KDM2B: variants seen among roughly 807,000 people sequenced by gnomAD.
The protein encoded by KDM2B is lysine demethylase 2B, also known as lysine-specific demethylase 2B.
KDM2B carries 26 observed loss-of-function variants against 150.0 expected under a neutral mutation model. That is an observed-to-expected ratio of 0.17 (90% CI 0.13 to 0.24). The LOEUF (loss-of-function observed/expected upper bound fraction) is 0.24, where lower values mean the gene tolerates loss of function less well. Ranked by LOEUF, KDM2B falls within the 10% of genes least tolerant of loss-of-function variation. The pLI is 1.00. For synonymous variants in KDM2B, 734 were observed against 729.5 expected (o/e 1.01, Z -0.10); for missense variants, 1,265 against 1,816.9 (o/e 0.70, Z 5.52).
chr12:121,442,817 G>T lies in KDM2B; in HGVS notation c.2624C>A (p.Ala875Asp). Residue 875 changes from alanine (A) to aspartate (D), a missense_variant, in exon 19 of 23, where the codon GCC becomes GAC. This residue lies in a region of KDM2B where 418 missense variants were observed against 402.4 expected (regional missense o/e 1.04). Coordinates refer to ENST00000377071, the MANE Select transcript of KDM2B (RefSeq NM_032590.5). The surrounding 1 kb of genome is among the most constrained non-coding windows in gnomAD (Gnocchi z 7.7). ...FRKKRRSWKN[A>D]EDRMALANKP... is the part of the protein sequence containing the mutation. ...GTTGGCCAGCGCCATGCGGTCCTCG[G>T]CGTTCTTCCAGGACCGCCGCTGAGG... 6.6e-7 allele frequency: 1 copy of T among 1,523,830 alleles called. No homozygotes were observed. 94.4% of individuals were successfully genotyped at this position (1,523,830 alleles called of 1,614,324 possible).
chr12:121,548,805 T>C, intron 6 of KDM2B, 72 bp downstream of exon 6: 1 of 1,184,286 alleles, frequency 8.4e-7, no homozygotes, highest in African/African-American at 1.5e-5. Context: ...AGGAGCCTCC[T>C]TCCCACCTCC....
intron 12 of KDM2B, among the ~76,000 whole-genome samples, chr12:121,480,854 A>C (rs1882032606): frequency 6.6e-6 from 1 of 152,012 alleles, no homozygotes; most frequent in Non-Finnish European, 1.5e-5. Flanking sequence ...TTGTCTCATA[A>C]ACACTAGCAA....
chr12:121,421,632 G>C, the KDM2B span, among the ~76,000 whole-genome samples: 1 of 152,048 alleles, frequency 6.6e-6, no homozygotes, highest in African/African-American at 2.4e-5. Context: ...TCAAGCCACG[G>C]AACATTTATG....
intron 4 of KDM2B, among the ~76,000 whole-genome samples, chr12:121,564,426 T>C (rs1890556150): frequency 6.6e-6 from 1 of 151,868 alleles, no homozygotes; most frequent in South Asian, 2.1e-4. Context: ...CCACTGCACT[T>C]CAGCCTGGGC....
Position 121,430,260 on chromosome 12 carries a change from G to A in KDM2B, c.*28C>T, listed in dbSNP as rs111862260. On this transcript the variant is annotated 3_prime_UTR_variant, in exon 23 of 23. Transcript: ENST00000377071. This position sits in a 1 kb window ranked among gnomAD's most constrained non-coding sequence, Gnocchi z 4.4. Reference sequence around the variant, plus strand: ...TAAAGTCTCTCCCCTCCCAGAGCCCGCCCCGTATTTACATACTTATCCTTG... The same window carrying A: ...TAAAGTCTCTCCCCTCCCAGAGCCCACCCCGTATTTACATACTTATCCTTG... 5,330 of 1,611,448 alleles carry A rather than the reference G, an allele frequency of 3.3e-3. 12 individuals carry two copies. Among genetic ancestry groups the A allele is most frequent in the Middle Eastern group, 6.9e-3 (42 of 6,058 alleles).
chr12:121,565,598 G>A (rs144596624), intron 4 of KDM2B, among the ~76,000 whole-genome samples: 2,615 of 149,754 alleles, frequency 0.017, 64 homozygotes, highest in Admixed American at 0.054. Flanking sequence ...ATTAAAACGC[G>A]CGGGCCACCG....
chr12:121,479,646 G>T (rs1881854941), intron 12 of KDM2B, among the ~76,000 whole-genome samples: 2 of 151,712 alleles, frequency 1.3e-5, no homozygotes, highest in South Asian at 4.2e-4. Context: ...TTTTGAGACG[G>T]AGTCTTGCTC....
intron 8 of KDM2B, among the ~76,000 whole-genome samples, chr12:121,523,775 T>C (rs1886893226): frequency 6.6e-6 from 1 of 152,360 alleles, no homozygotes; most frequent in South Asian, 2.1e-4. Flanking sequence ...GGCTTTGCTT[T>C]AGGCAACCTC....
In KDM2B at chr12:121,580,318, G is replaced by A. The variant is rs1379413692; in HGVS notation, c.126+468C>T. 22 of 1,012,410 alleles carry A rather than the reference G, an allele frequency of 2.2e-5. No homozygotes were observed. The East Asian group carries it at 1.3e-3, about 58-fold the overall frequency. The allele number at this position is 1,012,410 out of a possible 1,614,324, so 62.7% of individuals were successfully genotyped here. A position where few individuals can be genotyped will look rare whatever the true frequency, so the allele number is the denominator to read the frequency against. ...AACATTGTTGCCGATCGCGCTCGGA[G>A]CCCGCGGCCGGGCTATTTGGGGGGG... On this transcript the variant is annotated intron_variant, in intron 1 of 22. Transcript: ENST00000377071.
rs138375696 is a variant in KDM2B, at chr12:121,521,237, G to A, written c.932-137C>T. The A allele has an allele frequency of 7.4e-3, 4,566 of 619,610 alleles. 36 individuals are homozygous for A. Among genetic ancestry groups the A allele is most frequent in the Non-Finnish European group, 0.011 (3,846 of 344,502 alleles). 38.4% of individuals were successfully genotyped at this position (619,610 alleles called of 1,614,324 possible). On this transcript the variant is annotated intron_variant, in intron 8 of 22. Transcript: ENST00000377071. The surrounding 1 kb of genome is among the most constrained non-coding windows in gnomAD (Gnocchi z 4.9). Reference sequence around the variant, plus strand: ...AAGAGCAGCCAGGGCCTGGGGCAGCGGCGCCCAGCAATGCCTGCTGCACAA... The same window carrying A: ...AAGAGCAGCCAGGGCCTGGGGCAGCAGCGCCCAGCAATGCCTGCTGCACAA...
Position 121,467,485 on chromosome 12 carries a change from C to T in KDM2B, c.1735-14141G>A. ...CCGGGCGGGCGGGCCAATGGCGCGGCCGCGGCGCTGGGGCCGCACACAAAG... is the reference window on the plus strand; with the variant it reads ...CCGGGCGGGCGGGCCAATGGCGCGGTCGCGGCGCTGGGGCCGCACACAAAG... On this transcript the variant is annotated intron_variant, in intron 12 of 22. Transcript: ENST00000377071. The surrounding 1 kb of genome is among the most constrained non-coding windows in gnomAD (Gnocchi z 5.1). The T allele has an allele frequency of 2.8e-6, 1 of 363,124 alleles. No individual in the cohort carries two copies. The highest frequency in any genetic ancestry group is 3.8e-6 in the Non-Finnish European group (1 of 263,738). 22.5% of individuals were successfully genotyped at this position (363,124 alleles called of 1,614,324 possible).
chr12:121,440,851 C>T lies in KDM2B; in HGVS notation c.3575G>A (p.Arg1192Gln), dbSNP rs782616783. ...GTCTGTGGGCGGGGACAGGAGATCCCGCATCTGGGCATCCTTTAGTCCCTC... is the reference window on the plus strand; with the variant it reads ...GTCTGTGGGCGGGGACAGGAGATCCTGCATCTGGGCATCCTTTAGTCCCTC... ...WVEGLKDAQM[R>Q]DLLSPPTDNR... The change falls in exon 21 of 23, where the codon CGG (arginine) becomes CAG (glutamine). Residue 1192 changes from arginine to glutamine, a missense_variant. By Grantham distance (43) the Arg-to-Gln change is conservative. This residue lies in a region of KDM2B where 251 missense variants were observed against 397.8 expected (regional missense o/e 0.63). Coordinates refer to ENST00000377071, the MANE Select transcript of KDM2B (RefSeq NM_032590.5). 27 of 1,613,744 alleles carry T rather than the reference C, an allele frequency of 1.7e-5. No individual in the cohort carries two copies. Among genetic ancestry groups the T allele is most frequent in the African/African-American group, 8.0e-5 (6 of 74,914 alleles).
intron 13 of KDM2B, among the ~76,000 whole-genome samples, chr12:121,447,022 T>C (rs782645112): frequency 1.3e-5 from 2 of 152,208 alleles, no homozygotes; most frequent in African/African-American, 2.4e-5. Flanking sequence ...GAACAGCTCA[T>C]TGATACAGTT....
chr12:121,500,251 G>C (rs1884406852), intron 11 of KDM2B, among the ~76,000 whole-genome samples: 1 of 152,128 alleles, frequency 6.6e-6, no homozygotes, highest in Admixed American at 6.6e-5. Flanking sequence ...GGGGCTCTCG[G>C]CAGCACAGAT....
intron 13 of KDM2B, among the ~76,000 whole-genome samples, chr12:121,446,491 T>C (rs1555290407): frequency 1.3e-5 from 2 of 152,268 alleles, no homozygotes; most frequent in African/African-American, 4.8e-5. Context: ...ATCCTTTTCA[T>C]GTGCTTTGTG....
At chr12:121,534,619 A>G in intron 6 of KDM2B, 29 bp from the exon 7 acceptor site, 2 of 1,532,436 alleles carry the variant, frequency 1.3e-6, no homozygotes, top group Non-Finnish European at 1.8e-6. Flanking sequence ...GAGACAGAAC[A>G]CAAGTCAAGA....
At chr12:121,482,011 C>T (rs1174221278) in intron 12 of KDM2B, among the ~76,000 whole-genome samples, 1 of 152,098 alleles carries the variant, frequency 6.6e-6, no homozygotes, top group African/African-American at 2.4e-5. Flanking sequence ...GAACTCCTGA[C>T]CTCAGGTGAT....
chr12:121,574,262 GAAGA>G (rs1439258738), intron 4 of KDM2B: 1 of 345,736 alleles, frequency 2.9e-6, no homozygotes, highest in Non-Finnish European at 5.4e-6. Flanking sequence ...AACAAATGCA[GAAGA>G]GAGATCTCAG....
chr12:121,418,062 G>A, the KDM2B span: 2 of 841,886 alleles, frequency 2.4e-6, no homozygotes, highest in South Asian at 1.7e-5. Context: ...GCACTTAAAG[G>A]CTGTCCTGAT....
Sources: allele counts gnomAD v4.1 joint callset (sites outside exome capture counted in the v4.1 genomes callset), GRCh38; gene constraint gnomAD v4.1.1; regional missense constraint gnomAD v4.1.1; non-coding constraint Gnocchi (gnomAD v3.1); transcripts MANE v1.5; gene names NCBI Gene and HGNC (gene_info 2026-07-23, HGNC 2026-07-21).